Variants in CLSPN observed in about 807,000 individuals in gnomAD.
CLSPN encodes claspin.
In CLSPN, 85 loss-of-function variants were observed where a neutral mutation model predicts 156.3. That is an observed-to-expected ratio of 0.54 (90% confidence interval 0.46 to 0.65). The LOEUF is 0.65. Ranked by LOEUF, CLSPN falls within the 30% of genes least tolerant of loss-of-function variation. The pLI, the probability that CLSPN is intolerant of heterozygous loss-of-function variation, is 0.00. For missense variants in CLSPN, 1,407 were observed against 1,554.9 expected (o/e 0.90, Z 1.60); for synonymous variants, 534 against 542.4 (o/e 0.98, Z 0.22).
chr1:35,764,269 G>GT lies in CLSPN; in HGVS notation c.578dup (p.Asn193LysfsTer5). 2 of 1,551,814 alleles carry GT rather than the reference G, an allele frequency of 1.3e-6. No individual in the cohort carries two copies. Among genetic ancestry groups the GT allele is most frequent in the East Asian group, 2.3e-5 (1 of 44,378 alleles). On this transcript the variant is annotated frameshift_variant, in exon 3 of 25. Coordinates refer to ENST00000318121, the MANE Select transcript of CLSPN (RefSeq NM_022111.4). LOFTEE classifies it high-confidence loss of function. ...CAAATTATTCTTTAAAATGTACCTG[G>GT]TTTTTTGTTTCCTTCTTTTTTAGCT... is the stretch of plus-strand genomic sequence containing the variant.
At position 35,734,096 on chromosome 1, in the gene CLSPN, C is replaced by T; in HGVS notation, c.*2400G>A. The T allele has an allele frequency of 2.0e-6, 2 of 985,442 alleles. No homozygotes were observed. The highest frequency in any genetic ancestry group is 2.4e-6 in the Non-Finnish European group (2 of 829,932). The allele number at this position is 985,442 out of a possible 1,614,324, so 61.0% of individuals were successfully genotyped here. ...TTGGTAAGTTAACTTGATCAATTCA[C>T]TAGGACTGAGAAGCCAGTGAGGGGA... On this transcript the variant is annotated 3_prime_UTR_variant, in exon 25 of 25. Coordinates refer to ENST00000318121, the MANE Select transcript of CLSPN (RefSeq NM_022111.4).
intron 24 of CLSPN, among the ~76,000 whole-genome samples, chr1:35,724,840 A>G (rs1557491724): frequency 6.6e-6 from 1 of 152,106 alleles, no homozygotes; most frequent in Non-Finnish European, 1.5e-5. Context: ...GAAGCTGATG[A>G]CCTACTTGTT....
At chr1:35,749,599 GC>G (rs778317356) in intron 11 of CLSPN, 33 bp downstream of exon 11, 11 of 1,613,440 alleles carry the variant, frequency 6.8e-6, no homozygotes, top group Non-Finnish European at 9.3e-6. Flanking sequence ...CAAATCCAAG[GC>G]AATTTTAAGT....
intron 9 of CLSPN, among the ~76,000 whole-genome samples, chr1:35,752,582 GAAAAAAAAAA>G (rs58271996): frequency 2.9e-5 from 2 of 67,900 alleles, no homozygotes; most frequent in African/African-American, 5.1e-5. Context: ...TGTCTTAGAG[GAAAAAAAAAA>G]AAAAAAAAAA....
rs763621316 is a variant in CLSPN at position 35,760,623 on chromosome 1, T to G, written c.1298A>C (p.Asn433Thr). The change falls in exon 8 of 25, where the codon AAC becomes ACC. Residue 433 changes from asparagine (N) to threonine (T), a missense_variant. Coordinates refer to ENST00000318121, the MANE Select transcript of CLSPN (RefSeq NM_022111.4). ...GDSSVLQQES[N>T]FLGNNHSEEC... Reference sequence around the variant, plus strand: ...CTCACTGTGATTGTTCCCGAGGAAGTTGGATTCCTGTTGCAACACTGAGCT... The same window carrying G: ...CTCACTGTGATTGTTCCCGAGGAAGGTGGATTCCTGTTGCAACACTGAGCT... The G allele has an allele frequency of 6.2e-7, 1 of 1,614,208 alleles. No individual in the cohort carries two copies. Among genetic ancestry groups the G allele is most frequent in the Middle Eastern group, 1.6e-4 (1 of 6,062 alleles).
chr1:35,722,684 T>C (rs939971700), intron 24 of CLSPN, among the ~76,000 whole-genome samples: 5 of 151,918 alleles, frequency 3.3e-5, no homozygotes, highest in Non-Finnish European at 7.4e-5. Context: ...CAGGCTGGAG[T>C]ACAGTGGTGC....
At chr1:35,761,927 T>C in intron 6 of CLSPN, 71 bp downstream of exon 6, 3 of 1,005,382 alleles carry the variant, frequency 3.0e-6, no homozygotes, top group Non-Finnish European at 4.7e-6. Context: ...AAAATAAAAG[T>C]CCCCAACATC....
rs1304760433 is a variant in CLSPN at position 35,734,247 on chromosome 1, A to T, written c.*2249T>A. On this transcript the variant is annotated 3_prime_UTR_variant, in exon 25 of 25. Coordinates refer to ENST00000318121, the MANE Select transcript of CLSPN (RefSeq NM_022111.4). ...GAATGAGCATTCAAGCTGGACAGCA[A>T]ATCTTCCCTTCAAGGCATTAAGATT... The T allele has an allele frequency of 3.0e-6, 3 of 985,350 alleles. No homozygotes were observed. The highest frequency in any genetic ancestry group is 3.6e-6 in the Non-Finnish European group (3 of 829,944). The allele number at this position is 985,350 out of a possible 1,614,324, so 61.0% of individuals were successfully genotyped here.
At position 35,764,402 on chromosome 1, in the gene CLSPN, T is replaced by C. The variant is rs758308027; in HGVS notation, c.446A>G (p.Lys149Arg). The change falls in exon 3 of 25, where the codon AAG (lysine) becomes AGG (arginine). Residue 149 changes from lysine (K) to arginine (R), a missense_variant. Lys to Arg is a conservative substitution (Grantham distance 26). This residue lies in a region of CLSPN where 1,096 missense variants were observed against 1,193.0 expected (regional missense o/e 0.92). Coordinates refer to ENST00000318121, the MANE Select transcript of CLSPN (RefSeq NM_022111.4). The part of the protein sequence containing the change: ...GNSTDFTTDR[K>R]SSKKHIHDKE... Reference sequence around the variant, plus strand: ...ATCATGTATGTGCTTTTTGGAACTCTTTCTGTCAGTGGTAAAGTCTGTAGA... The same window carrying C: ...ATCATGTATGTGCTTTTTGGAACTCCTTCTGTCAGTGGTAAAGTCTGTAGA... 6.2e-6 allele frequency: 10 copies of C among 1,614,024 alleles called. No individual in the cohort carries two copies. Among genetic ancestry groups the C allele is most frequent in the Non-Finnish European group, 8.5e-6 (10 of 1,179,978 alleles).
chr1:35,755,512 A>T (rs1363877393), intron 8 of CLSPN, among the ~76,000 whole-genome samples: 2 of 152,002 alleles, frequency 1.3e-5, no homozygotes, highest in African/African-American at 2.4e-5. Flanking sequence ...ATCTCAGATG[A>T]TCCACCCACC....
In CLSPN at chr1:35,745,558, G is replaced by C. The variant is rs780031794; in HGVS notation, c.2859C>G (p.Ala953=). ...LCSGKFTSQD[A]STPASSELNK... ...TTAACTCTGATGAGGCTGGAGTGGA[G>C]GCATCTACATCACAACAAGGAAAAG... is the stretch of plus-strand genomic sequence containing the variant. The change falls in exon 16 of 25, where the codon GCC becomes GCG. Residue 953 remains alanine, a synonymous_variant. Coordinates refer to ENST00000318121, the MANE Select transcript of CLSPN (RefSeq NM_022111.4). 1.2e-6 allele frequency: 2 copies of C among 1,603,510 alleles called. No individual in the cohort carries two copies. Among genetic ancestry groups the C allele is most frequent in the Middle Eastern group, 1.7e-4 (1 of 6,042 alleles).
At chr1:35,738,240 G>T (rs1409386549) in intron 21 of CLSPN, 143 bp from the exon 22 acceptor site, 4 of 648,994 alleles carry the variant, frequency 6.2e-6, no homozygotes, top group Non-Finnish European at 9.4e-6. Context: ...AGCCTTTGCT[G>T]CTTTAGACAA....
chr1:35,725,442 G>T (rs1641154428), intron 24 of CLSPN, among the ~76,000 whole-genome samples: 1 of 152,152 alleles, frequency 6.6e-6, no homozygotes, highest in East Asian at 1.9e-4. Flanking sequence ...AAGTGAAGGA[G>T]GAAAGAGAGA....
Position 35,737,438 on chromosome 1 carries a change from G to C in CLSPN, c.3665-17C>G, listed in dbSNP as rs770394532. ...GGCGACTGGCTGGAAAGAAAAGACA[G>C]AGAGGCCTATTCTGGGAAAAGCTGA... is the stretch of plus-strand genomic sequence containing the variant. On this transcript the variant is annotated splice_polypyrimidine_tract_variant and intron_variant, in intron 22 of 24. Coordinates refer to ENST00000318121, the MANE Select transcript of CLSPN (RefSeq NM_022111.4). The C allele has an allele frequency of 6.3e-7, 1 of 1,596,652 alleles. No individual in the cohort carries two copies. Among genetic ancestry groups the C allele is most frequent in the Non-Finnish European group, 8.6e-7 (1 of 1,164,476 alleles).
At chr1:35,737,265 C>T in intron 23 of CLSPN, 74 bp downstream of exon 23, 1 of 1,378,036 alleles carries the variant, frequency 7.3e-7, no homozygotes, top group Non-Finnish European at 1.0e-6. Context: ...ATGACAGAGA[C>T]TATTCTCTAA....
chr1:35,733,495 C>A lies in CLSPN; in HGVS notation c.*3001G>T. On this transcript the variant is annotated 3_prime_UTR_variant, in exon 25 of 25. Coordinates refer to ENST00000318121, the MANE Select transcript of CLSPN (RefSeq NM_022111.4). ...ATTCCAATTGTCTTTTCTATCTCTC[C>A]TCAAAAGACATGTAGGGAAACAAGA... 3.0e-6 allele frequency: 3 copies of A among 985,320 alleles called. No individual in the cohort carries two copies. The highest frequency in any genetic ancestry group is 3.6e-6 in the Non-Finnish European group (3 of 829,906). 61.0% of individuals were successfully genotyped at this position (985,320 alleles called of 1,614,324 possible).
At position 35,735,516 on chromosome 1, in the gene CLSPN, T is replaced by A; in HGVS notation, c.*980A>T. 1 of 646,894 alleles carries A rather than the reference T, an allele frequency of 1.5e-6. No homozygotes were observed. The highest frequency in any genetic ancestry group is 1.9e-6 in the Non-Finnish European group (1 of 521,156). 40.1% of individuals were successfully genotyped at this position (646,894 alleles called of 1,614,324 possible). On this transcript the variant is annotated 3_prime_UTR_variant, in exon 25 of 25. Coordinates refer to ENST00000318121, the MANE Select transcript of CLSPN (RefSeq NM_022111.4). ...TGAGGTCAGGAGATCGAGACCAGCC[T>A]GGCCAACATGGTGACTCCCTGTCTC...
chr1:35,767,796 T>C (rs1323210514), intron 1 of CLSPN, among the ~76,000 whole-genome samples: 1 of 152,210 alleles, frequency 6.6e-6, no homozygotes, highest in Non-Finnish European at 1.5e-5. Flanking sequence ...ATTCAAACTG[T>C]AGTTGAAGTA....
intron 24 of CLSPN, among the ~76,000 whole-genome samples, chr1:35,724,328 C>T (rs953062566): frequency 2.0e-5 from 3 of 152,120 alleles, no homozygotes; most frequent in Non-Finnish European, 4.4e-5. Flanking sequence ...ACTGCATTTT[C>T]AGAGTGAGTT....
Sources: allele counts gnomAD v4.1 joint callset (sites outside exome capture counted in the v4.1 genomes callset), GRCh38; gene constraint gnomAD v4.1.1; regional missense constraint gnomAD v4.1.1; transcripts MANE v1.5; gene names NCBI Gene and HGNC (gene_info 2026-07-23, HGNC 2026-07-21).